Variants in RBFOX1 observed in about 807,000 individuals in gnomAD.
RBFOX1 encodes the protein RNA binding protein fox-1 homolog 1.
In RBFOX1, 8 loss-of-function variants were observed where a neutral mutation model predicts 57.7. The ratio of observed to expected loss-of-function variants is 0.14; its 90% CI spans 0.08 to 0.25. RBFOX1 has a LOEUF of 0.25. Ranked by LOEUF, RBFOX1 falls within the 10% of genes least tolerant of loss-of-function variation. RBFOX1 has a pLI of 1.00. For synonymous variants in RBFOX1, 326 were observed against 222.4 expected (o/e 1.47, Z -4.15); for missense variants, 611 against 548.5 (o/e 1.11, Z -1.14).
chr16:5,362,720 C>A (rs934013712), intron 1 of RBFOX1, among the ~76,000 whole-genome samples: 5 of 152,104 alleles, frequency 3.3e-5, no homozygotes. Context: ...CCCTCAGCCC[C>A]CGACAACCAC....
chr16:5,637,166 T>G (rs1331457072), intron 3 of RBFOX1, among the ~76,000 whole-genome samples: 1 of 152,202 alleles, frequency 6.6e-6, no homozygotes, highest in Non-Finnish European at 1.5e-5. Flanking sequence ...AAATAAGCTG[T>G]CACGCAGGGC....
chr16:6,822,030 G>A (rs938206352), intron 3 of RBFOX1, among the ~76,000 whole-genome samples: 1 of 152,162 alleles, frequency 6.6e-6, no homozygotes, highest in African/African-American at 2.4e-5. Context: ...GAGCATGGTT[G>A]TATAGACTTG....
intron 4 of RBFOX1, among the ~76,000 whole-genome samples, chr16:7,195,612 C>T (rs762073964): frequency 2.6e-5 from 4 of 152,146 alleles, no homozygotes; most frequent in Non-Finnish European, 5.9e-5. Context: ...GGCTGGAGTG[C>T]AGTGGTGGGA....
intron 4 of RBFOX1, among the ~76,000 whole-genome samples, chr16:5,882,792 T>C (rs1188369058): frequency 2.0e-5 from 3 of 152,166 alleles, no homozygotes; most frequent in Admixed American, 6.5e-5. Context: ...AATTAGAGAA[T>C]GTGAAAAATC....
At chr16:6,809,573 C>T (rs1008361414) in intron 3 of RBFOX1, among the ~76,000 whole-genome samples, 4 of 152,100 alleles carry the variant, frequency 2.6e-5, no homozygotes, top group East Asian at 1.9e-4. Context: ...GTATATGAAG[C>T]CTTCAACCAA....
At chr16:7,221,802 G>C (rs960271326) in intron 4 of RBFOX1, among the ~76,000 whole-genome samples, 1 of 152,178 alleles carries the variant, frequency 6.6e-6, no homozygotes. Flanking sequence ...TTACAAGCGA[G>C]ATCTAAGAAA....
intron 1 of RBFOX1, among the ~76,000 whole-genome samples, chr16:5,424,859 C>CT (rs1567489299): frequency 2.1e-5 from 3 of 143,232 alleles, no homozygotes; most frequent in African/African-American, 8.4e-5. Context: ...CTCTCTCTCT[C>CT]TTCTTTCTTT....
Position 7,152,824 on chromosome 16 carries a change from A to G in RBFOX1, c.27+100726A>G, listed in dbSNP as rs550235486. On this transcript the variant is annotated intron_variant, in intron 4 of 15. Coordinates refer to ENST00000550418, the MANE Select transcript of RBFOX1 (RefSeq NM_018723.4). ...CCATTTTCCCTCCCTAGAAGAGACA[A>G]TGGAAGGTGGGTGGCACCGAGTCTT... Among the ~76,000 whole-genome samples the G allele has an allele frequency of 8.5e-4, 129 of 152,276 alleles. No individual in the cohort carries two copies. The South Asian group carries it at 0.024, about 29-fold the overall frequency.
At position 7,691,720 on chromosome 16, in the gene RBFOX1, TGGACAGTTCCTTAG is replaced by T. The variant is rs142797532; in HGVS notation, c.995+14886_995+14899del. Among the ~76,000 whole-genome samples the T allele has an allele frequency of 5.4e-3, 827 of 152,254 alleles. 8 individuals carry two copies. Among genetic ancestry groups the T allele is most frequent in the African/African-American group, 0.019 (794 of 41,554 alleles). On this transcript the variant is annotated intron_variant, in intron 14 of 15. Coordinates refer to ENST00000550418, the MANE Select transcript of RBFOX1 (RefSeq NM_018723.4). ...GTGGCTTTCCTGATGTCTAGCACAT[TGGACAGTTCCTTAG>T]GGAAAATTGCAGAAAGGGAACACAA... is the stretch of plus-strand genomic sequence containing the variant.
rs904082851 is a variant in RBFOX1 at position 7,412,433 on chromosome 16, A to G, written c.28-105714A>G. Among the ~76,000 whole-genome samples, 11 of 148,838 alleles carry G rather than the reference A, an allele frequency of 7.4e-5. No individual in the cohort carries two copies. The Admixed American group carries it at 7.4e-4, about 10-fold the overall frequency. On this transcript the variant is annotated intron_variant, in intron 4 of 15. Coordinates refer to ENST00000550418, the MANE Select transcript of RBFOX1 (RefSeq NM_018723.4). ...CTGCCAAAAAAAAAAAAAAAAGTTAATAATAGGGGAAATTGTGGAGTACAT... is the reference window on the plus strand; with the variant it reads ...CTGCCAAAAAAAAAAAAAAAAGTTAGTAATAGGGGAAATTGTGGAGTACAT...
intron 4 of RBFOX1, among the ~76,000 whole-genome samples, chr16:7,300,699 G>C (rs2096010577): frequency 6.6e-6 from 1 of 152,092 alleles, no homozygotes; most frequent in Non-Finnish European, 1.5e-5. Flanking sequence ...AGAAAAAAAT[G>C]GTTTCCATTC....
intron 4 of RBFOX1, among the ~76,000 whole-genome samples, chr16:7,317,291 C>A (rs1037393379): frequency 1.3e-5 from 2 of 152,148 alleles, no homozygotes; most frequent in Non-Finnish European, 2.9e-5. Context: ...AGTCAGACTT[C>A]GGCAGGCTTT....
chr16:6,693,853 C>T lies in RBFOX1; in HGVS notation c.-16+39203C>T, dbSNP rs1012378659. 3.3e-5 allele frequency among the ~76,000 whole-genome samples: 5 copies of T among 152,194 alleles called. No individual in the cohort carries two copies. The East Asian group carries it at 9.6e-4, about 29-fold the overall frequency. On this transcript the variant is annotated intron_variant, in intron 3 of 15. Transcript: ENST00000550418. ...CATCACCACCATCATCCTTATTCAG[C>T]AATTCTTTAGTGTTCACAGAGTGCC...
chr16:5,802,496 C>T (rs1367265455), intron 3 of RBFOX1, among the ~76,000 whole-genome samples: 1 of 152,166 alleles, frequency 6.6e-6, no homozygotes, highest in East Asian at 1.9e-4. Flanking sequence ...GCCCTTCCCT[C>T]ATCCCATCCT....
In RBFOX1 at chr16:5,784,406, G is replaced by A. The variant is rs188365393; in HGVS notation, c.319-82897G>A. 3.5e-3 allele frequency among the ~76,000 whole-genome samples: 522 copies of A among 150,522 alleles called. 3 individuals carry two copies. Among genetic ancestry groups the A allele is most frequent in the South Asian group, 0.01 (47 of 4,678 alleles). ...CGCACCACTGCACTCCAGCCTGGGC[G>A]ACAGAGCGAGAGTCCGTCTGAAACA... On this transcript the variant is annotated intron_variant, in intron 3 of 19. Coordinates refer to the RBFOX1 transcript ENST00000641259.
chr16:7,268,929 C>T (rs1428051388), intron 4 of RBFOX1, among the ~76,000 whole-genome samples: 1 of 150,760 alleles, frequency 6.6e-6, no homozygotes, highest in Non-Finnish European at 1.5e-5. Context: ...CCCAGCTACT[C>T]AGGAGCCTGA....
At chr16:6,040,570 T>TTCTTTCTTTC (rs1555484378) in intron 1 of RBFOX1, among the ~76,000 whole-genome samples, 1 of 149,986 alleles carries the variant, frequency 6.7e-6, no homozygotes, top group African/African-American at 2.5e-5. Flanking sequence ...CTTTCTTTCT[T>TTCTTTCTTTC]TCTCTCTCTC....
At chr16:7,394,996 A>G (rs1478985604) in intron 4 of RBFOX1, among the ~76,000 whole-genome samples, 1 of 152,148 alleles carries the variant, frequency 6.6e-6, no homozygotes, top group Non-Finnish European at 1.5e-5. Flanking sequence ...GTGCTGAGGA[A>G]ATGTAATGGG....
chr16:7,334,298 G>A (rs568501289), intron 4 of RBFOX1, among the ~76,000 whole-genome samples: 26 of 152,080 alleles, frequency 1.7e-4, no homozygotes, highest in Non-Finnish European at 3.4e-4. Context: ...GGGTCATCTG[G>A]AGAACGGTCC....
Sources: gnomAD v4.1 joint callset for allele counts (sites outside exome capture counted in the v4.1 genomes callset) on GRCh38, gnomAD v4.1.1 for gene constraint, MANE v1.5 for transcripts, NCBI Gene and HGNC (gene_info 2026-07-23, HGNC 2026-07-21) for gene names.